OR10H1: variants seen among roughly 807,000 people sequenced by gnomAD.
OR10H1 encodes the protein olfactory receptor 10H1.
Under a neutral mutation model 13.1 loss-of-function variants are expected in OR10H1, and 12 were observed. That is an observed-to-expected ratio of 0.92 (90% CI 0.59 to 1.48). The LOEUF (loss-of-function observed/expected upper bound fraction) is 1.48. Ranked by LOEUF, OR10H1 falls within the 40% of genes most tolerant of loss-of-function variation. The pLI is 0.00. For missense variants in OR10H1, 363 were observed against 413.1 expected, an observed-to-expected ratio of 0.88 and a Z score of 1.05; for synonymous variants, 168 against 175.6, an observed-to-expected ratio of 0.96 and a Z score of 0.34.
At chr19:15,809,921 T>C (rs1246652139) in intron 2 of OR10H1, among the ~76,000 whole-genome samples, 2 of 151,994 alleles carry the variant, frequency 1.3e-5, no homozygotes, top group African/African-American at 4.8e-5. Context: ...GCTTAAGCGA[T>C]CTTCCCTTCT....
rs756400126 is a variant in OR10H1 at position 15,807,651 on chromosome 19, G to C, written c.387C>G (p.Pro129=). 2.5e-6 allele frequency: 4 copies of C among 1,614,108 alleles called. No homozygotes were observed. The South Asian group carries it at 3.3e-5, about 13-fold the overall frequency. ...GGCTCATGAGCACGTTGTAGCGCAG[G>C]GGGTGGCAGATGGCCACGTAGCGGT... ...GYDRYVAICH[P]LRYNVLMSPR... Residue 129 remains proline, a synonymous_variant, in exon 4 of 4, where the codon CCC becomes CCG. Transcript: ENST00000641419.
intron 1 of OR10H1, among the ~76,000 whole-genome samples, chr19:15,813,797 GAGAC>G (rs1599314818): frequency 6.7e-6 from 1 of 150,140 alleles, no homozygotes; most frequent in Admixed American, 6.6e-5. Context: ...AAGAGAGAGA[GAGAC>G]AGAGAGAAGG....
At chr19:15,815,297 C>T (rs1337891457) in intron 1 of OR10H1, among the ~76,000 whole-genome samples, 3 of 150,340 alleles carry the variant, frequency 2.0e-5, no homozygotes, top group South Asian at 4.2e-4. Flanking sequence ...GCCGAGATTG[C>T]GCCACTGCAC....
intron 2 of OR10H1, among the ~76,000 whole-genome samples, chr19:15,810,564 A>C (rs1399930925): frequency 6.6e-6 from 1 of 152,006 alleles, no homozygotes; most frequent in Non-Finnish European, 1.5e-5. Context: ...TTTCATGGAC[A>C]TGAGGGTTGT....
At chr19:15,814,522 A>AGAGAGAGAGT (rs2088956086) in intron 1 of OR10H1, among the ~76,000 whole-genome samples, 3 of 121,612 alleles carry the variant, frequency 2.5e-5, no homozygotes, top group African/African-American at 1.1e-4. Flanking sequence ...AGAGAGAGAG[A>AGAGAGAGAGT]GAGAGAGAGA....
At chr19:15,809,274 TTATTTATTTATG>T (rs58002404) in intron 2 of OR10H1, among the ~76,000 whole-genome samples, 16,606 of 133,302 alleles carry the variant, frequency 0.12, 1,069 homozygotes, top group African/African-American at 0.18. Context: ...ATTTATTTAT[TTATTTATTTATG>T]TATTTATTTA....
intron 2 of OR10H1, among the ~76,000 whole-genome samples, chr19:15,809,107 G>C (rs2088919493): frequency 1.3e-5 from 2 of 152,030 alleles, no homozygotes; most frequent in African/African-American, 4.8e-5. Context: ...GTTGCTCTAA[G>C]GAAGGAGCCA....
rs187946472 is a variant in OR10H1, at chr19:15,806,924, G to A, written c.*157C>T. On this transcript the variant is annotated 3_prime_UTR_variant, in exon 4 of 4. Transcript: ENST00000641419. ...GTATTTTTAGTAGAGATGGGGTTTCGCCATGTTAGCCATGCTGGTCTCAAA... is the reference window on the plus strand; with the variant it reads ...GTATTTTTAGTAGAGATGGGGTTTCACCATGTTAGCCATGCTGGTCTCAAA... The A allele has an allele frequency of 2.7e-4, 182 of 675,692 alleles. 1 individual carries two copies. Among genetic ancestry groups the A allele is most frequent in the African/African-American group, 2.1e-3 (115 of 55,746 alleles). The allele number at this position is 675,692 out of a possible 1,614,324, so 41.9% of individuals were successfully genotyped here.
Position 15,812,892 on chromosome 19 carries a change from A to G in OR10H1, c.-777-14T>C, listed in dbSNP as rs2088942627. 1 of 152,148 alleles carries G rather than the reference A, an allele frequency of 6.6e-6. No homozygotes were observed. The highest frequency in any genetic ancestry group is 1.5e-5 in the Non-Finnish European group (1 of 68,032). 9.4% of individuals were successfully genotyped at this position (152,148 alleles called of 1,614,324 possible). On this transcript the variant is annotated splice_polypyrimidine_tract_variant and intron_variant, in intron 1 of 3. Transcript: ENST00000641419. ...AGTCCAGTCATTCTGGAAAAATCAAAACCATGGAGACAGCAAAAGATCAGT... is the reference window on the plus strand; with the variant it reads ...AGTCCAGTCATTCTGGAAAAATCAAGACCATGGAGACAGCAAAAGATCAGT...
At chr19:15,815,264 C>A (rs1294246252) in intron 1 of OR10H1, among the ~76,000 whole-genome samples, 1 of 151,424 alleles carries the variant, frequency 6.6e-6, no homozygotes, top group African/African-American at 2.4e-5. Context: ...TCGCTTGAAC[C>A]TGGCAGGCGG....
At chr19:15,810,654 G>C (rs2088927993) in intron 2 of OR10H1, among the ~76,000 whole-genome samples, 1 of 151,942 alleles carries the variant, frequency 6.6e-6, no homozygotes, top group African/African-American at 2.4e-5. Flanking sequence ...GTTTCCAGGG[G>C]CTGGGGTGAG....
At chr19:15,813,787 AAG>A (rs1342057693) in intron 1 of OR10H1, among the ~76,000 whole-genome samples, 14 of 128,994 alleles carry the variant, frequency 1.1e-4, no homozygotes, top group East Asian at 5.3e-4. Flanking sequence ...GGGTTGGGGA[AAG>A]AGAGAGAGAG....
At chr19:15,811,844 T>C (rs535099210) in intron 2 of OR10H1, among the ~76,000 whole-genome samples, 1 of 152,300 alleles carries the variant, frequency 6.6e-6, no homozygotes, top group Admixed American at 6.5e-5. Flanking sequence ...TGCTCATGAC[T>C]TTGTTATGAT....
chr19:15,813,545 A>G (rs1268284225), intron 1 of OR10H1, among the ~76,000 whole-genome samples: 2 of 148,420 alleles, frequency 1.3e-5, no homozygotes, highest in Non-Finnish European at 3.0e-5. Flanking sequence ...AGAGAAAGAA[A>G]GAGAGGTGGG....
chr19:15,813,942 C>T (rs932067345), intron 1 of OR10H1, among the ~76,000 whole-genome samples: 1 of 151,876 alleles, frequency 6.6e-6, no homozygotes, highest in African/African-American at 2.4e-5. Flanking sequence ...AGAGAGCAAG[C>T]AAGCCCACTG....
Position 15,807,635 on chromosome 19 carries a change from G to A in OR10H1, c.403C>T (p.Leu135Phe), listed in dbSNP as rs996274710. ...AICHPLRYNV[L>F]MSPRGCACLV... ...CAGGCGCAGCCCCGCGGGCTCATGA[G>A]CACGTTGTAGCGCAGGGGGTGGCAG... Residue 135 changes from leucine (L) to phenylalanine (F), a missense_variant, in exon 4 of 4, where the codon CTC becomes TTC. Around this residue, in one of 3 missense-constraint regions of OR10H1, gnomAD observed 318 missense variants for 366.6 expected, o/e 0.87. Transcript: ENST00000641419. 6.2e-7 allele frequency: 1 copy of A among 1,614,182 alleles called. No individual in the cohort carries two copies. The highest frequency in any genetic ancestry group is 8.5e-7 in the Non-Finnish European group (1 of 1,180,034).
chr19:15,810,693 T>TA (rs2088928154), intron 2 of OR10H1, among the ~76,000 whole-genome samples: 1 of 152,044 alleles, frequency 6.6e-6, no homozygotes, highest in South Asian at 2.1e-4. Flanking sequence ...TGCTAATAGA[T>TA]ACGGTGTTTC....
chr19:15,815,523 T>C (rs1279324666), intron 1 of OR10H1, 32 bp downstream of exon 1: 1 of 152,264 alleles, frequency 6.6e-6, no homozygotes, highest in East Asian at 1.9e-4. Context: ...AGGTCTCTCC[T>C]GGTCAGGTGG....
chr19:15,808,084 G>A (rs189124595), intron 3 of OR10H1, 36 bp from the exon 4 acceptor site: 127 of 1,539,694 alleles, frequency 8.2e-5, no homozygotes, highest in Non-Finnish European at 1.1e-4. Flanking sequence ...GTCAGTTACT[G>A]CATGAAGAAA....
Sources: gnomAD v4.1 joint callset for allele counts (sites outside exome capture counted in the v4.1 genomes callset) on GRCh38, gnomAD v4.1.1 for gene constraint, gnomAD v4.1.1 regional missense constraint, MANE v1.5 for transcripts, NCBI Gene and HGNC (gene_info 2026-07-23, HGNC 2026-07-21) for gene names.